The following ZNF284 variants were observed in gnomAD, a reference collection of about 807,000 sequenced individuals.
ZNF284 encodes the protein zinc finger protein 284.
Under a neutral mutation model 12.9 loss-of-function variants are expected in ZNF284, and 12 were observed. The ratio of observed to expected loss-of-function variants is 0.93; its 90% confidence interval spans 0.60 to 1.51. The LOEUF (loss-of-function observed/expected upper bound fraction) is 1.51, where lower values mean the gene tolerates loss of function less well. Among genes scored for constraint, ZNF284 ranks in the 40% most tolerant of loss-of-function variants. The pLI, the probability that ZNF284 is intolerant of heterozygous loss-of-function variation, is 0.00. For missense variants in ZNF284, 667 were observed against 707.3 expected, an observed-to-expected ratio of 0.94 and a Z score of 0.65; for synonymous variants, 225 against 236.5, an observed-to-expected ratio of 0.95 and a Z score of 0.45.
At position 44,086,054 on chromosome 19, in the gene ZNF284, T is replaced by G. The variant is rs771036587; in HGVS notation, c.576T>G (p.Leu192=). Residue 192 remains leucine, a synonymous_variant, in exon 5 of 5, where the codon CTT becomes CTG. Transcript: ENST00000421176. Reference sequence around the variant, plus strand: ...TCTGTTATAGCTCAGCTCTTTGTCTTCATCAGAAAGTTCACATGGGAGAGA... The same window carrying G: ...TCTGTTATAGCTCAGCTCTTTGTCTGCATCAGAAAGTTCACATGGGAGAGA... ...KRFCYSSALC[L]HQKVHMGEKR... is the part of the protein sequence containing the mutation. The G allele has an allele frequency of 6.2e-7, 1 of 1,614,212 alleles. No individual in the cohort carries two copies. Among genetic ancestry groups the G allele is most frequent in the Non-Finnish European group, 8.5e-7 (1 of 1,180,038 alleles).
intron 1 of ZNF284, 28 bp from the exon 2 acceptor site, chr19:44,076,294 T>A (rs1967025322): frequency 8.4e-6 from 11 of 1,310,034 alleles, no homozygotes; most frequent in Non-Finnish European, 1.2e-5. Context: ...TCTCTTTTTT[T>A]TTTTTTGCCT....
chr19:44,086,236 A>C lies in ZNF284; in HGVS notation c.758A>C (p.His253Pro), dbSNP rs1159490166. The C allele has an allele frequency of 8.7e-6, 14 of 1,614,124 alleles. No homozygotes were observed. The highest frequency in any genetic ancestry group is 1.2e-5 in the Non-Finnish European group (14 of 1,180,050). Residue 253 changes from histidine to proline, a missense_variant, in exon 5 of 5, where the codon CAC becomes CCC. His to Pro is a moderately conservative substitution (Grantham distance 77). Transcript: ENST00000421176. ...RSGMYVHCKL[H>P]TGEKPHICEE... ...GGAATGTATGTTCATTGCAAATTAC[A>C]CACAGGAGAAAAACCTCATATTTGT...
chr19:44,078,413 A>G (rs964922283), intron 2 of ZNF284, among the ~76,000 whole-genome samples: 16 of 152,228 alleles, frequency 1.1e-4, no homozygotes, highest in African/African-American at 3.9e-4. Flanking sequence ...ACAATTTTAA[A>G]CATTCTTATT....
intron 4 of ZNF284, among the ~76,000 whole-genome samples, chr19:44,084,791 C>T (rs1967199048): frequency 6.6e-6 from 1 of 152,140 alleles, no homozygotes; most frequent in Non-Finnish European, 1.5e-5. Context: ...GGCTGTTGGG[C>T]CCCAGGGCAA....
chr19:44,081,508 G>T (rs980925261), intron 3 of ZNF284, among the ~76,000 whole-genome samples: 4 of 151,842 alleles, frequency 2.6e-5, no homozygotes, highest in African/African-American at 7.3e-5. Context: ...TTGGGAGATG[G>T]AGACCATTCT....
Position 44,076,358 on chromosome 19 carries a change from A to G in ZNF284, c.-32A>G, listed in dbSNP as rs1425442225. The G allele has an allele frequency of 3.7e-6, 6 of 1,607,434 alleles. No individual in the cohort carries two copies. Among genetic ancestry groups the G allele is most frequent in the Non-Finnish European group, 5.1e-6 (6 of 1,176,620 alleles). ...TCTTCTCTTGAACTGCATAACTGAG[A>G]ACTCTGCAAATTCCCCAAAGAAGGA... On this transcript the variant is annotated 5_prime_UTR_variant, in exon 2 of 5. Transcript: ENST00000421176.
In ZNF284 at chr19:44,086,527, G is replaced by C; in HGVS notation, c.1049G>C (p.Arg350Thr). ...CTATACAAATGTGAAGAATGTGGAAGGAGCTTCACTTGTAGGCAAGATCTT... is the reference window on the plus strand; with the variant it reads ...CTATACAAATGTGAAGAATGTGGAACGAGCTTCACTTGTAGGCAAGATCTT... ...EKLYKCEECG[R>T]SFTCRQDLCK... The change falls in exon 5 of 5, where the codon AGG (arginine) becomes ACG (threonine). Residue 350 changes from arginine (R) to threonine (T), a missense_variant. Physicochemically the swap from Arg to Thr is moderately conservative, Grantham distance 71 (BLOSUM62 -1). Coordinates refer to ENST00000421176, the MANE Select transcript of ZNF284 (RefSeq NM_001037813.4). The C allele has an allele frequency of 6.2e-7, 1 of 1,614,146 alleles. No individual in the cohort carries two copies. Among genetic ancestry groups the C allele is most frequent in the Non-Finnish European group, 8.5e-7 (1 of 1,180,030 alleles).
chr19:44,079,431 C>G lies in ZNF284; in HGVS notation c.16-1584C>G, dbSNP rs536663004. Among the ~76,000 whole-genome samples, 50 of 151,972 alleles carry G rather than the reference C, an allele frequency of 3.3e-4. 1 individual carries two copies. The highest frequency in any genetic ancestry group is 1.2e-3 in the African/African-American group (48 of 41,466). ...CAACATGGAGAAACCCCATCTCCAC[C>G]GGGTGTGGTGGCTCATGCCTGTAAT... is the stretch of plus-strand genomic sequence containing the variant. On this transcript the variant is annotated intron_variant, in intron 2 of 4. Transcript: ENST00000421176.
In ZNF284 at chr19:44,087,162, A is replaced by C. The variant is rs766716221; in HGVS notation, c.1684A>C (p.Ser562Arg). 8.7e-6 allele frequency: 14 copies of C among 1,614,082 alleles called. No homozygotes were observed. In the South Asian group the frequency reaches 1.4e-4, roughly 16 times the overall value. ...CCTTCAAGACCAACAAAGCGACCACAGTGGAGAAAAAACATCCAAATGTGA... is the reference window on the plus strand; with the variant it reads ...CCTTCAAGACCAACAAAGCGACCACCGTGGAGAAAAAACATCCAAATGTGA... ...SCLQDQQSDH[S>R]GEKTSKCEDC... The change falls in exon 5 of 5, where the codon AGT (serine) becomes CGT (arginine). Residue 562 changes from serine (S) to arginine (R), a missense_variant. Coordinates refer to ENST00000421176, the MANE Select transcript of ZNF284 (RefSeq NM_001037813.4).
chr19:44,086,623 G>A lies in ZNF284; in HGVS notation c.1145G>A (p.Trp382Ter), dbSNP rs1394232014. The A allele has an allele frequency of 6.2e-7, 1 of 1,614,044 alleles. No homozygotes were observed. Among genetic ancestry groups the A allele is most frequent in the Non-Finnish European group, 8.5e-7 (1 of 1,180,028 alleles). Residue 382 changes from tryptophan to a stop codon, truncating the protein, a stop_gained, in exon 5 of 5, where the codon TGG (tryptophan) becomes TAG (stop). Transcript: ENST00000421176. LOFTEE classifies it low-confidence loss of function (END_TRUNC). ...NCNVCGKGFR[W>*]SSCLSRHQRV... is the part of the protein sequence containing the mutation. ...AATGTATGTGGGAAGGGCTTCAGGTGGTCCTCATGTCTTTCAAGACATCAG... is the reference window on the plus strand; with the variant it reads ...AATGTATGTGGGAAGGGCTTCAGGTAGTCCTCATGTCTTTCAAGACATCAG...
At position 44,086,162 on chromosome 19, in the gene ZNF284, G is replaced by C; in HGVS notation, c.684G>C (p.Glu228Asp). The change falls in exon 5 of 5, where the codon GAG becomes GAC. Residue 228 changes from glutamate (E) to aspartate (D), a missense_variant. By Grantham distance (45) the Glu-to-Asp change is conservative. Coordinates refer to ENST00000421176, the MANE Select transcript of ZNF284 (RefSeq NM_001037813.4). The part of the protein sequence containing the change: ...LQTHQRIHTG[E>D]KPFKCEQCGK... ...CTCATCAGAGAATCCACACTGGAGA[G>C]AAACCATTCAAATGTGAGCAGTGTG... 6.2e-7 allele frequency: 1 copy of C among 1,614,228 alleles called. No individual in the cohort carries two copies. Among genetic ancestry groups the C allele is most frequent in the South Asian group, 1.1e-5 (1 of 91,086 alleles).
intron 2 of ZNF284, among the ~76,000 whole-genome samples, chr19:44,078,610 C>T (rs185580730): frequency 2.0e-5 from 3 of 152,110 alleles, no homozygotes; most frequent in East Asian, 1.9e-4. Context: ...TACGGGCACG[C>T]ACCACGATGC....
In ZNF284 at chr19:44,086,829, G is replaced by T. The variant is rs1189794700; in HGVS notation, c.1351G>T (p.Gly451Ter). 6.2e-7 allele frequency: 1 copy of T among 1,614,134 alleles called. No individual in the cohort carries two copies. ...NLDLHQRVHT[G>*]ERPYNCKECG... ...TGACTTGCACCAGAGGGTCCACACG[G>T]GAGAGAGACCTTATAATTGTAAGGA... The change falls in exon 5 of 5, where the codon GGA becomes TGA. Residue 451 changes from glycine (G) to a stop codon, truncating the protein, a stop_gained. Coordinates refer to ENST00000421176, the MANE Select transcript of ZNF284 (RefSeq NM_001037813.4). LOFTEE classifies it low-confidence loss of function (END_TRUNC).
chr19:44,086,224 A>G lies in ZNF284; in HGVS notation c.746A>G (p.His249Arg), dbSNP rs772327182. ...SFSRRSGMYVHCKLHTGEKPH... is the reference protein window; with the variant it reads ...SFSRRSGMYVRCKLHTGEKPH... ...AGCCGTAGATCAGGAATGTATGTTC[A>G]TTGCAAATTACACACAGGAGAAAAA... Residue 249 changes from histidine to arginine, a missense_variant, in exon 5 of 5, where the codon CAT becomes CGT. Physicochemically the swap from His to Arg is conservative, Grantham distance 29. Transcript: ENST00000421176. The G allele has an allele frequency of 1.9e-6, 3 of 1,614,236 alleles. No homozygotes were observed. The East Asian group carries it at 6.7e-5, about 36-fold the overall frequency.
intron 2 of ZNF284, among the ~76,000 whole-genome samples, chr19:44,080,284 TGTTA>T (rs1171194009): frequency 1.4e-5 from 2 of 144,492 alleles, no homozygotes; most frequent in African/African-American, 2.5e-5. Flanking sequence ...ACTGTAAACT[TGTTA>T]GTTTGGCAGA....
chr19:44,079,901 C>T (rs1164078022), intron 2 of ZNF284, among the ~76,000 whole-genome samples: 2 of 151,852 alleles, frequency 1.3e-5, no homozygotes, highest in African/African-American at 4.8e-5. Context: ...GCACTCCAGC[C>T]TGGGCAACAA....
At chr19:44,082,917 A>G (rs1967151264) in intron 4 of ZNF284, among the ~76,000 whole-genome samples, 1 of 152,160 alleles carries the variant, frequency 6.6e-6, no homozygotes, top group Admixed American at 6.6e-5. Context: ...CAGCCTTAAT[A>G]TCTCTTGCTA....
chr19:44,079,353 C>T (rs952995286), intron 2 of ZNF284, among the ~76,000 whole-genome samples: 5 of 152,052 alleles, frequency 3.3e-5, no homozygotes, highest in African/African-American at 7.2e-5. Context: ...CAGCACTTTG[C>T]GGGGCTGAGG....
At chr19:44,073,006 G>A (rs1966971421) in intron 1 of ZNF284, among the ~76,000 whole-genome samples, 1 of 152,180 alleles carries the variant, frequency 6.6e-6, no homozygotes, top group African/African-American at 2.4e-5. Flanking sequence ...AAGAGTGTAG[G>A]ATGTGTCCTC....
Sources: gnomAD v4.1 joint callset for allele counts (sites outside exome capture counted in the v4.1 genomes callset) on GRCh38, gnomAD v4.1.1 for gene constraint, MANE v1.5 for transcripts, NCBI Gene and HGNC (gene_info 2026-07-23, HGNC 2026-07-21) for gene names.